RAPGEF6: variants seen among roughly 807,000 people sequenced by gnomAD.
RAPGEF6 encodes Rap guanine nucleotide exchange factor 6, also known as PDZ domain containing guanine nucleotide exchange factor (GEF) 2.
A neutral mutation model predicts 171.4 loss-of-function variants in RAPGEF6; 56 were observed. The observed-to-expected ratio is 0.33, with a 90% CI of 0.26 to 0.41. RAPGEF6 has a LOEUF of 0.41. Among genes scored for constraint, RAPGEF6 ranks in the 10% least tolerant of loss-of-function variants. The pLI, the probability that RAPGEF6 is intolerant of heterozygous loss-of-function variation, is 1.00. For synonymous variants in RAPGEF6, 692 were observed against 650.1 expected, an observed-to-expected ratio of 1.06 and a Z score of -0.98; for missense variants, 1,674 against 1,921.4, an observed-to-expected ratio of 0.87 and a Z score of 2.41.
chr5:131,520,991 GA>G (rs570039758), intron 7 of RAPGEF6, among the ~76,000 whole-genome samples: 61 of 152,266 alleles, frequency 4.0e-4, no homozygotes, highest in Middle Eastern at 3.4e-3. Context: ...CTTTATGGTA[GA>G]AAAGCAGCTC....
chr5:131,439,998 C>A, intron 23 of RAPGEF6: 1 of 453,738 alleles, frequency 2.2e-6, no homozygotes, highest in Non-Finnish European at 4.0e-6. Flanking sequence ...GAGTGCTATG[C>A]CCCACCTCCC....
intron 7 of RAPGEF6, 105 bp from the exon 8 acceptor site, chr5:131,510,596 G>T: frequency 1.0e-6 from 1 of 988,564 alleles, no homozygotes; most frequent in Non-Finnish European, 1.5e-6. Context: ...TAAAAGACTT[G>T]GGCAACGCTG....
intron 1 of RAPGEF6, among the ~76,000 whole-genome samples, chr5:131,632,555 T>C (rs1766378791): frequency 6.6e-6 from 1 of 152,186 alleles, no homozygotes; most frequent in African/African-American, 2.4e-5. Flanking sequence ...ATTATCTGCC[T>C]TCCCCACTCT....
Position 131,427,169 on chromosome 5 carries a change from A to C in RAPGEF6, c.*97T>G. ...ATAAAACCTCTGGACTGGTTGTAGC[A>C]ATGAGCTGTTCGTTAGCAATGGCCT... On this transcript the variant is annotated 3_prime_UTR_variant, in exon 28 of 28. Coordinates refer to ENST00000509018, the MANE Select transcript of RAPGEF6 (RefSeq NM_016340.6). The C allele has an allele frequency of 9.0e-7, 1 of 1,117,174 alleles. No individual in the cohort carries two copies. 69.2% of individuals were successfully genotyped at this position (1,117,174 alleles called of 1,614,324 possible).
chr5:131,605,501 A>C (rs1764501866), intron 1 of RAPGEF6, among the ~76,000 whole-genome samples: 1 of 152,204 alleles, frequency 6.6e-6, no homozygotes, highest in South Asian at 2.1e-4. Context: ...ATAAAAAATA[A>C]ATAAATAAAA....
rs1461520319 is a variant in RAPGEF6 at position 131,557,922 on chromosome 5, T to C, written c.351+4056A>G. On this transcript the variant is annotated intron_variant, in intron 5 of 27. Coordinates refer to ENST00000509018, the MANE Select transcript of RAPGEF6 (RefSeq NM_016340.6). The stretch of plus-strand genomic sequence containing the variant: ...TTGGACTACCTAAAATGTTAAGATT[T>C]TTACATTTATTTTCATTTAAAAATA... Among the ~76,000 whole-genome samples, 5 of 152,184 alleles carry C rather than the reference T, an allele frequency of 3.3e-5. No homozygotes were observed. In the East Asian group the frequency reaches 7.7e-4, roughly 23 times the overall value.
chr5:131,635,059 C>A lies in RAPGEF6; in HGVS notation c.-29G>T, dbSNP rs960126716. 2 of 1,583,952 alleles carry A rather than the reference C, an allele frequency of 1.3e-6. No individual in the cohort carries two copies. The highest frequency in any genetic ancestry group is 2.7e-5 in the African/African-American group (2 of 74,404). ...CACGGCCCGGGTACTCCGCAGCCTG[C>A]CCTTAGCAGCCCACGCCACAGTTCA... On this transcript the variant is annotated 5_prime_UTR_variant, in exon 1 of 28. Transcript: ENST00000509018.
chr5:131,635,069 C>T lies in RAPGEF6; in HGVS notation c.-39G>A. 6.4e-7 allele frequency: 1 copy of T among 1,572,130 alleles called. No homozygotes were observed. Among genetic ancestry groups the T allele is most frequent in the Non-Finnish European group, 8.7e-7 (1 of 1,154,090 alleles). ...GTACTCCGCAGCCTGCCCTTAGCAG[C>T]CCACGCCACAGTTCATTCACACTAG... On this transcript the variant is annotated 5_prime_UTR_variant, in exon 1 of 28. Transcript: ENST00000509018.
At chr5:131,632,013 T>C (rs1053846954) in intron 1 of RAPGEF6, among the ~76,000 whole-genome samples, 25 of 148,730 alleles carry the variant, frequency 1.7e-4, no homozygotes, top group Middle Eastern at 3.4e-3. Context: ...GTGGCAGAGA[T>C]TGCAGTGAGC....
chr5:131,478,099 T>C (rs1030754711), intron 16 of RAPGEF6, among the ~76,000 whole-genome samples: 3 of 152,132 alleles, frequency 2.0e-5, no homozygotes, highest in Admixed American at 6.5e-5. Flanking sequence ...ACCTCAAGGA[T>C]AGAATGAGTA....
intron 1 of RAPGEF6, among the ~76,000 whole-genome samples, chr5:131,613,916 G>A (rs1765101662): frequency 6.6e-6 from 1 of 152,148 alleles, no homozygotes; most frequent in Admixed American, 6.5e-5. Context: ...CGAGAAGCAA[G>A]AACTGCATAG....
intron 3 of RAPGEF6, among the ~76,000 whole-genome samples, chr5:131,597,935 T>C (rs1188330864): frequency 6.6e-6 from 1 of 152,218 alleles, no homozygotes; most frequent in Non-Finnish European, 1.5e-5. Context: ...TTGTATATTA[T>C]ATAACACATA....
intron 4 of RAPGEF6, among the ~76,000 whole-genome samples, chr5:131,574,740 C>T (rs1389522079): frequency 1.3e-5 from 2 of 152,044 alleles, no homozygotes; most frequent in Non-Finnish European, 2.9e-5. Flanking sequence ...CCTCTCGTGT[C>T]TCCCTCCCTA....
chr5:131,556,186 T>C (rs1360985155), intron 5 of RAPGEF6, among the ~76,000 whole-genome samples: 1 of 152,202 alleles, frequency 6.6e-6, no homozygotes, highest in Non-Finnish European at 1.5e-5. Context: ...ACGCCTGTAA[T>C]CCCAGCACTT....
Position 131,498,544 on chromosome 5 carries a change from T to C in RAPGEF6, c.1318A>G (p.Ile440Val). ...CTGTAAGTTAATAGAAAATCTTCTA[T>C]ATAAGTTGGATCCACGATGGAATGT... ...EEHSIVDPTY[I>V]EDFLLTYRTF... is the part of the protein sequence containing the mutation. The change falls in exon 12 of 28, where the codon ATA (isoleucine) becomes GTA (valine). Residue 440 changes from isoleucine to valine, a missense_variant. Coordinates refer to ENST00000509018, the MANE Select transcript of RAPGEF6 (RefSeq NM_016340.6). 1 of 1,613,812 alleles carries C rather than the reference T, an allele frequency of 6.2e-7. No individual in the cohort carries two copies. The highest frequency in any genetic ancestry group is 2.2e-5 in the East Asian group (1 of 44,860).
At chr5:131,614,337 C>G (rs946631401) in intron 1 of RAPGEF6, among the ~76,000 whole-genome samples, 5 of 149,444 alleles carry the variant, frequency 3.3e-5, no homozygotes, top group African/African-American at 1.2e-4. Flanking sequence ...ACCGGAGCCG[C>G]GGTAATTTAT....
At chr5:131,515,756 T>TA (rs1028847303) in intron 7 of RAPGEF6, among the ~76,000 whole-genome samples, 2 of 152,134 alleles carry the variant, frequency 1.3e-5, no homozygotes, top group African/African-American at 4.8e-5. Flanking sequence ...AGAGCATGAT[T>TA]AAAACACAAG....
rs182105622 is a variant in RAPGEF6 at position 131,443,914 on chromosome 5, A to G, written c.3422-1377T>C. On this transcript the variant is annotated intron_variant, in intron 22 of 27. Transcript: ENST00000509018. ...GAAAACCAGAGACAGTGCTTTTATA[A>G]ATCCATAGGTTTTCTGAATATGAAT... Among the ~76,000 whole-genome samples, 800 of 152,324 alleles carry G rather than the reference A, an allele frequency of 5.3e-3. 6 individuals are homozygous for G. The highest frequency in any genetic ancestry group is 0.018 in the African/African-American group (761 of 41,566).
At chr5:131,523,276 ATGC>A (rs1758625257) in intron 6 of RAPGEF6, among the ~76,000 whole-genome samples, 1 of 109,636 alleles carries the variant, frequency 9.1e-6, no homozygotes, top group Admixed American at 9.1e-5. Context: ...TTTCTGTTGT[ATGC>A]TTTTTTTTTT....
Sources: gnomAD v4.1 joint callset for allele counts (sites outside exome capture counted in the v4.1 genomes callset) on GRCh38, gnomAD v4.1.1 for gene constraint, MANE v1.5 for transcripts, NCBI Gene and HGNC (gene_info 2026-07-23, HGNC 2026-07-21) for gene names.